Variants in KIF6 observed in about 807,000 individuals in gnomAD.
The protein encoded by KIF6 is kinesin family member 6.
Under a neutral mutation model 112.7 loss-of-function variants are expected in KIF6, and 106 were observed. That is an observed-to-expected ratio of 0.94 (90% CI 0.80 to 1.11). The LOEUF (loss-of-function observed/expected upper bound fraction) is 1.11, where lower values mean the gene tolerates loss of function less well. Ranked by LOEUF, KIF6 falls within the 50% of genes least tolerant of loss-of-function variation. The probability of loss-of-function intolerance (pLI) is 0.00; values close to 1 mark genes in which losing one functional copy is unlikely to be tolerated. For missense variants in KIF6, 929 were observed against 964.0 expected (o/e 0.96, Z 0.48); for synonymous variants, 339 against 339.9 (o/e 1.00, Z 0.03).
intron 13 of KIF6, among the ~76,000 whole-genome samples, chr6:39,475,730 T>C (rs1774388761): frequency 6.6e-6 from 1 of 152,164 alleles, no homozygotes; most frequent in Non-Finnish European, 1.5e-5. Context: ...GTAGCTCTCA[T>C]TCTCTAAGCA....
intron 15 of KIF6, among the ~76,000 whole-genome samples, chr6:39,411,190 G>A (rs938051542): frequency 6.6e-6 from 1 of 152,216 alleles, no homozygotes; most frequent in African/African-American, 2.4e-5. Flanking sequence ...ATGGTCAGCA[G>A]GGCCAGCCGG....
At chr6:39,356,235 C>G (rs959599597) in intron 19 of KIF6, among the ~76,000 whole-genome samples, 1 of 150,976 alleles carries the variant, frequency 6.6e-6, no homozygotes, top group Non-Finnish European at 1.5e-5. Context: ...GAGTGCCACT[C>G]TTATCACATC....
chr6:39,644,747 T>C (rs1003979381), intron 3 of KIF6, among the ~76,000 whole-genome samples: 1 of 152,156 alleles, frequency 6.6e-6, no homozygotes, highest in African/African-American at 2.4e-5. Flanking sequence ...ATAATGGTGA[T>C]TGATGGTGGC....
chr6:39,499,600 T>C (rs910339758), intron 13 of KIF6, among the ~76,000 whole-genome samples: 3 of 152,142 alleles, frequency 2.0e-5, no homozygotes, highest in Admixed American at 6.5e-5. Context: ...AAAAAACCTC[T>C]TCAAAAATCC....
chr6:39,662,600 C>T (rs932726111), intron 3 of KIF6, among the ~76,000 whole-genome samples: 2 of 152,036 alleles, frequency 1.3e-5, no homozygotes, highest in Non-Finnish European at 2.9e-5. Flanking sequence ...CAATTCGAAA[C>T]CCAATGTAAG....
At chr6:39,511,287 G>C (rs1344953357) in intron 13 of KIF6, among the ~76,000 whole-genome samples, 3 of 152,190 alleles carry the variant, frequency 2.0e-5, no homozygotes, top group African/African-American at 7.2e-5. Context: ...CAAAGGATAT[G>C]AACAGACACT....
chr6:39,552,545 C>T (rs1428885126), intron 10 of KIF6, among the ~76,000 whole-genome samples: 1 of 152,056 alleles, frequency 6.6e-6, no homozygotes, highest in East Asian at 1.9e-4. Flanking sequence ...TCAAGAATCC[C>T]CACTCTTTGC....
chr6:39,532,135 C>T (rs906820320), intron 13 of KIF6, among the ~76,000 whole-genome samples: 13 of 152,150 alleles, frequency 8.5e-5, no homozygotes, highest in Admixed American at 5.2e-4. Flanking sequence ...CAGACGTGTA[C>T]TTCTGTAATC....
At chr6:39,534,845 C>G (rs1391091745) in intron 13 of KIF6, among the ~76,000 whole-genome samples, 2 of 152,244 alleles carry the variant, frequency 1.3e-5, no homozygotes, top group African/African-American at 4.8e-5. Context: ...GGAAGCCCAT[C>G]AGACTAACAG....
At chr6:39,485,683 G>C (rs1775070601) in intron 13 of KIF6, among the ~76,000 whole-genome samples, 1 of 152,120 alleles carries the variant, frequency 6.6e-6, no homozygotes. Flanking sequence ...GTCACGAAAG[G>C]AGCATGTTGG....
In KIF6 at chr6:39,611,699, G is replaced by A. The variant is rs76818669; in HGVS notation, c.639+1490C>T. On this transcript the variant is annotated intron_variant, in intron 6 of 22. Coordinates refer to ENST00000287152, the MANE Select transcript of KIF6 (RefSeq NM_145027.6). ...TCTTTTTCATAAGCATTGGTGGACAGGACCCATTTCTATTCTGTATCTCCT... is the reference window on the plus strand; with the variant it reads ...TCTTTTTCATAAGCATTGGTGGACAAGACCCATTTCTATTCTGTATCTCCT... Among the ~76,000 whole-genome samples the A allele has an allele frequency of 2.4e-4, 36 of 152,278 alleles. 1 individual carries two copies. The East Asian group carries it at 7.0e-3, about 29-fold the overall frequency.
At chr6:39,711,476 T>A (rs536886843) in intron 3 of KIF6, among the ~76,000 whole-genome samples, 1 of 152,004 alleles carries the variant, frequency 6.6e-6, no homozygotes, top group Non-Finnish European at 1.5e-5. Flanking sequence ...GCTTAAGTGA[T>A]CCTCCCACCC....
chr6:39,399,289 C>T (rs193299553), intron 15 of KIF6, among the ~76,000 whole-genome samples: 44 of 152,292 alleles, frequency 2.9e-4, no homozygotes, highest in Middle Eastern at 6.8e-3. Flanking sequence ...GGGCAGTCAA[C>T]GGTGGGATGA....
chr6:39,578,042 G>T lies in KIF6; in HGVS notation c.1181+14C>A, dbSNP rs377637031. On this transcript the variant is annotated intron_variant, in intron 10 of 22. Coordinates refer to ENST00000287152, the MANE Select transcript of KIF6 (RefSeq NM_145027.6). Reference sequence around the variant, plus strand: ...CACTGTTAAAGAAAAAGAAAAAAAAGTCTGCAGACTTACTGAAGGAGCTCT... The same window carrying T: ...CACTGTTAAAGAAAAAGAAAAAAAATTCTGCAGACTTACTGAAGGAGCTCT... 1.8e-4 allele frequency: 275 copies of T among 1,564,526 alleles called. 1 individual carries two copies. The highest frequency in any genetic ancestry group is 2.3e-4 in the Non-Finnish European group (257 of 1,139,314).
intron 13 of KIF6, among the ~76,000 whole-genome samples, chr6:39,537,885 C>G (rs1778539295): frequency 6.6e-6 from 1 of 152,140 alleles, no homozygotes; most frequent in African/African-American, 2.4e-5. Flanking sequence ...ACCAATGGAA[C>G]AGAACAGAGC....
At chr6:39,656,744 A>C (rs966393961) in intron 3 of KIF6, among the ~76,000 whole-genome samples, 5 of 152,134 alleles carry the variant, frequency 3.3e-5, no homozygotes, top group African/African-American at 1.2e-4. Flanking sequence ...TTGTCCTCAC[A>C]TTCATTTGCA....
Position 39,512,867 on chromosome 6 carries a change from T to C in KIF6, c.1645+27136A>G, listed in dbSNP as rs139114357. Among the ~76,000 whole-genome samples the C allele has an allele frequency of 1.3e-3, 202 of 152,302 alleles. 2 individuals are homozygous for C. Among genetic ancestry groups the C allele is most frequent in the African/African-American group, 4.3e-3 (178 of 41,566 alleles). Reference sequence around the variant, plus strand: ...ATGCTCCCTTTCTGACTTTGAGTTTTGCTTGCCTTCTGGAAAGAAATCCAC... The same window carrying C: ...ATGCTCCCTTTCTGACTTTGAGTTTCGCTTGCCTTCTGGAAAGAAATCCAC... On this transcript the variant is annotated intron_variant, in intron 13 of 22. Coordinates refer to ENST00000287152, the MANE Select transcript of KIF6 (RefSeq NM_145027.6).
At chr6:39,387,566 A>C (rs1303099484) in intron 15 of KIF6, among the ~76,000 whole-genome samples, 1 of 152,150 alleles carries the variant, frequency 6.6e-6, no homozygotes, top group Non-Finnish European at 1.5e-5. Context: ...TGGGAACTTC[A>C]GGAGTGTGCT....
At position 39,448,642 on chromosome 6, in the gene KIF6, G is replaced by C. The variant is rs146601052; in HGVS notation, c.1646-17481C>G. 1.5e-4 allele frequency among the ~76,000 whole-genome samples: 23 copies of C among 152,130 alleles called. No individual in the cohort carries two copies. The East Asian group carries it at 4.5e-3, about 29-fold the overall frequency. On this transcript the variant is annotated intron_variant, in intron 13 of 22. Coordinates refer to ENST00000287152, the MANE Select transcript of KIF6 (RefSeq NM_145027.6). ...GTGACATTACTCCCTCCAAGTTTTTGTCCTACCTCCCTGGCTTCTCTTTCC... is the reference window on the plus strand; with the variant it reads ...GTGACATTACTCCCTCCAAGTTTTTCTCCTACCTCCCTGGCTTCTCTTTCC...
Sources: gnomAD v4.1 joint callset for allele counts (sites outside exome capture counted in the v4.1 genomes callset) on GRCh38, gnomAD v4.1.1 for gene constraint, MANE v1.5 for transcripts, NCBI Gene and HGNC (gene_info 2026-07-23, HGNC 2026-07-21) for gene names.